The following ZFYVE9 variants were observed in gnomAD, a reference collection of about 807,000 sequenced individuals.
ZFYVE9 encodes the protein zinc finger FYVE-type containing 9.
A neutral mutation model predicts 126.7 loss-of-function variants in ZFYVE9; 43 were observed. That is an observed-to-expected ratio of 0.34 (90% confidence interval 0.27 to 0.44). The LOEUF is 0.44. ZFYVE9 is among the 20% of genes least tolerant of loss of function. The pLI is 1.00. For synonymous variants in ZFYVE9, 521 were observed against 597.4 expected (o/e 0.87, Z 1.87); for missense variants, 1,476 against 1,697.0 (o/e 0.87, Z 2.29).
rs575590984 is a variant in ZFYVE9, at chr1:52,198,823, G to C, written c.-142-17546G>C. On this transcript the variant is annotated intron_variant, in intron 1 of 18. Coordinates refer to ENST00000287727, the MANE Select transcript of ZFYVE9 (RefSeq NM_004799.4). ...TACCTCCTGCCCTCACCCACGTATA[G>C]CCTCCGCCATTATCAATATCCTCCA... Among the ~76,000 whole-genome samples, 20 of 152,176 alleles carry C rather than the reference G, an allele frequency of 1.3e-4. 1 individual carries two copies. In the South Asian group the frequency reaches 4.1e-3, roughly 32 times the overall value.
At chr1:52,179,262 G>A (rs571169293) in intron 1 of ZFYVE9, among the ~76,000 whole-genome samples, 15 of 152,200 alleles carry the variant, frequency 9.9e-5, no homozygotes, top group African/African-American at 3.4e-4. Flanking sequence ...AAGCCACAAG[G>A]GTGAATGAGA....
At chr1:52,232,728 C>CAAAAA (rs552213191) in intron 2 of ZFYVE9, among the ~76,000 whole-genome samples, 709 of 27,346 alleles carry the variant, frequency 0.026, 81 homozygotes, top group African/African-American at 0.07. Context: ...GACTCTGTCT[C>CAAAAA]AAAAAAAAAA....
intron 13 of ZFYVE9, among the ~76,000 whole-genome samples, chr1:52,307,224 A>G (rs935437876): frequency 6.6e-6 from 1 of 151,860 alleles, no homozygotes; most frequent in African/African-American, 2.4e-5. Flanking sequence ...GCTCATAGTT[A>G]TTTCTTTTTT....
At chr1:52,301,997 A>G (rs997541120) in intron 12 of ZFYVE9, among the ~76,000 whole-genome samples, 2 of 152,166 alleles carry the variant, frequency 1.3e-5, no homozygotes, top group Admixed American at 6.6e-5. Context: ...TTTGATTTTC[A>G]TCTCTTGAAG....
In ZFYVE9 at chr1:52,239,321, C is replaced by T. The variant is rs368300959; in HGVS notation, c.1904C>T (p.Ser635Phe). The stretch of plus-strand genomic sequence containing the variant: ...TCAGCAACCAATGTATGCAGTCCAT[C>T]TTTGGGAAACATCTCTAATGTCGAT... Reference protein sequence around the residue: ...ENSATNVCSPSLGNISNVDTN... With the variant: ...ENSATNVCSPFLGNISNVDTN... The change falls in exon 4 of 19, where the codon TCT becomes TTT. Residue 635 changes from serine (S) to phenylalanine (F), a missense_variant. Coordinates refer to ENST00000287727, the MANE Select transcript of ZFYVE9 (RefSeq NM_004799.4). 38 of 1,614,202 alleles carry T rather than the reference C, an allele frequency of 2.4e-5. No individual in the cohort carries two copies. Among genetic ancestry groups the T allele is most frequent in the Non-Finnish European group, 3.1e-5 (36 of 1,180,020 alleles).
At chr1:52,257,001 T>G (rs1346459653) in intron 4 of ZFYVE9, among the ~76,000 whole-genome samples, 1 of 152,204 alleles carries the variant, frequency 6.6e-6, no homozygotes, top group East Asian at 1.9e-4. Context: ...TTTTCTAATT[T>G]GGAAAGAAAT....
chr1:52,290,450 A>G (rs1305612187), intron 10 of ZFYVE9, among the ~76,000 whole-genome samples: 6 of 152,214 alleles, frequency 3.9e-5, no homozygotes, highest in African/African-American at 1.2e-4. Context: ...CATGCACCCT[A>G]CATTGTAGAG....
chr1:52,341,286 AAAT>A (rs1204136463), intron 17 of ZFYVE9, among the ~76,000 whole-genome samples: 1 of 152,218 alleles, frequency 6.6e-6, no homozygotes, highest in Non-Finnish European at 1.5e-5. Context: ...CAAGGCAAAT[AAAT>A]AATGATAAAA....
rs773135717 is a variant in ZFYVE9 at position 52,239,495 on chromosome 1, C to T, written c.2078C>T (p.Ala693Val). The change falls in exon 4 of 19, where the codon GCT becomes GTT. Residue 693 changes from alanine to valine, a missense_variant. Ala to Val is a moderately conservative substitution (Grantham distance 64). Around this residue, in one of 2 missense-constraint regions of ZFYVE9, gnomAD observed 669 missense variants for 902.4 expected, o/e 0.74. Coordinates refer to ENST00000287727, the MANE Select transcript of ZFYVE9 (RefSeq NM_004799.4). ...RKPFTTLGEV[A>V]PVWVPDSQAP... is the part of the protein sequence containing the mutation. ...CCATTCACCACTCTGGGTGAGGTGG[C>T]TCCAGTATGGGTACCGGATTCTCAG... The T allele has an allele frequency of 2.5e-6, 4 of 1,614,118 alleles. No individual in the cohort carries two copies. Among genetic ancestry groups the T allele is most frequent in the Non-Finnish European group, 3.4e-6 (4 of 1,180,008 alleles).
chr1:52,214,507 G>T (rs1444657694), intron 1 of ZFYVE9, among the ~76,000 whole-genome samples: 1 of 152,162 alleles, frequency 6.6e-6, no homozygotes. Context: ...CCACCAGCCA[G>T]ATTTCAGCTA....
intron 1 of ZFYVE9, among the ~76,000 whole-genome samples, chr1:52,175,390 G>T (rs1474127452): frequency 1.3e-5 from 2 of 151,682 alleles, no homozygotes; most frequent in Non-Finnish European, 2.9e-5. Context: ...AGTCTGATGG[G>T]CTTCCCTTTG....
chr1:52,286,111 G>A (rs746660109), intron 10 of ZFYVE9, among the ~76,000 whole-genome samples: 8 of 151,218 alleles, frequency 5.3e-5, no homozygotes, highest in Admixed American at 2.0e-4. Context: ...AGCCAAGATC[G>A]TGCCATTGCA....
At chr1:52,341,832 A>G (rs1412665750) in intron 17 of ZFYVE9, among the ~76,000 whole-genome samples, 1 of 152,216 alleles carries the variant, frequency 6.6e-6, no homozygotes, top group Admixed American at 6.5e-5. Flanking sequence ...ATATGCAGCC[A>G]AGGGATTTTA....
intron 16 of ZFYVE9, among the ~76,000 whole-genome samples, chr1:52,339,571 G>C (rs149236305): frequency 6.6e-6 from 1 of 152,218 alleles, no homozygotes; most frequent in East Asian, 1.9e-4. Context: ...GATTACAGGC[G>C]TGAGCCACCA....
chr1:52,233,871 C>T (rs1645247893), intron 3 of ZFYVE9, among the ~76,000 whole-genome samples: 1 of 152,170 alleles, frequency 6.6e-6, no homozygotes, highest in African/African-American at 2.4e-5. Context: ...ACCTCTGCCT[C>T]CCTGGCTGAA....
chr1:52,289,498 A>G (rs1168147038), intron 10 of ZFYVE9, among the ~76,000 whole-genome samples: 2 of 152,216 alleles, frequency 1.3e-5, no homozygotes, highest in African/African-American at 4.8e-5. Flanking sequence ...TATTTTGGTT[A>G]TATGGGTTCT....
At position 52,334,783 on chromosome 1, in the gene ZFYVE9, G is replaced by T; in HGVS notation, c.3670+15G>T. 3 of 1,612,610 alleles carry T rather than the reference G, an allele frequency of 1.9e-6. No individual in the cohort carries two copies. Among genetic ancestry groups the T allele is most frequent in the Non-Finnish European group, 2.5e-6 (3 of 1,178,868 alleles). On this transcript the variant is annotated intron_variant, in intron 15 of 18. Coordinates refer to ENST00000287727, the MANE Select transcript of ZFYVE9 (RefSeq NM_004799.4). Reference sequence around the variant, plus strand: ...TATTGTGGAAGGTAAAGAATGAATTGTTCAGTCCTCATAATAAGGACTGAA... The same window carrying T: ...TATTGTGGAAGGTAAAGAATGAATTTTTCAGTCCTCATAATAAGGACTGAA...
chr1:52,260,833 T>G (rs963354359), intron 4 of ZFYVE9, among the ~76,000 whole-genome samples: 1 of 152,010 alleles, frequency 6.6e-6, no homozygotes, highest in Non-Finnish European at 1.5e-5. Flanking sequence ...AAAAAAATGC[T>G]TAAGGGCTTT....
At chr1:52,308,187 CTTTTCTTTTT>C (rs1379915499) in intron 13 of ZFYVE9, among the ~76,000 whole-genome samples, 1 of 151,762 alleles carries the variant, frequency 6.6e-6, no homozygotes, top group African/African-American at 2.4e-5. Context: ...TTTTTCTTTT[CTTTTCTTTTT>C]GGAAACAGGG....
Sources: gnomAD v4.1 joint callset for allele counts (sites outside exome capture counted in the v4.1 genomes callset) on GRCh38, gnomAD v4.1.1 for gene constraint, gnomAD v4.1.1 regional missense constraint, MANE v1.5 for transcripts, NCBI Gene and HGNC (gene_info 2026-07-23, HGNC 2026-07-21) for gene names.